TRPM4: variants seen among roughly 807,000 people sequenced by gnomAD.
TRPM4 encodes transient receptor potential cation channel subfamily M member 4.
A neutral mutation model predicts 135.6 loss-of-function variants in TRPM4; 124 were observed. The ratio of observed to expected loss-of-function variants is 0.91; its 90% CI spans 0.79 to 1.06. The LOEUF is 1.06. Ranked by LOEUF, TRPM4 falls within the 50% of genes least tolerant of loss-of-function variation. The pLI, the probability that TRPM4 is intolerant of heterozygous loss-of-function variation, is 0.00. For missense variants in TRPM4, 1,658 were observed against 1,671.4 expected (o/e 0.99, Z 0.14); for synonymous variants, 745 against 705.6 (o/e 1.06, Z -0.88).
At chr19:49,205,373 A>G (rs1051075724) in intron 20 of TRPM4, among the ~76,000 whole-genome samples, 11 of 152,074 alleles carry the variant, frequency 7.2e-5, no homozygotes, top group African/African-American at 2.7e-4. Context: ...CCCTTTTAAT[A>G]AAACGTTACT....
intron 4 of TRPM4, 59 bp from the exon 5 acceptor site, chr19:49,168,201 T>C (rs1380435493): frequency 6.2e-7 from 1 of 1,610,460 alleles, no homozygotes; most frequent in African/African-American, 1.3e-5. Flanking sequence ...TGTGTGTGTC[T>C]CTGTCTTATT....
chr19:49,178,615 G>A (rs1192475477), intron 9 of TRPM4, among the ~76,000 whole-genome samples: 1 of 152,050 alleles, frequency 6.6e-6, no homozygotes, highest in Admixed American at 6.6e-5. Flanking sequence ...TAGGGAAGAT[G>A]GGTTTGAGGG....
chr19:49,196,349 G>T, intron 16 of TRPM4, 91 bp from the exon 17 acceptor site: 1 of 1,247,498 alleles, frequency 8.0e-7, no homozygotes, highest in Non-Finnish European at 1.1e-6. Flanking sequence ...GGCAGGGTGA[G>T]ATGTGCCAAG....
At chr19:49,175,510 A>G (rs1181086583) in intron 9 of TRPM4, among the ~76,000 whole-genome samples, 4 of 150,210 alleles carry the variant, frequency 2.7e-5, no homozygotes, top group Non-Finnish European at 5.9e-5. Context: ...TGCTTAGGCC[A>G]GAAGAATTTT....
At chr19:49,197,322 T>C (rs1363345217) in intron 17 of TRPM4, among the ~76,000 whole-genome samples, 7 of 118,342 alleles carry the variant, frequency 5.9e-5, no homozygotes, top group African/African-American at 3.1e-4. Context: ...CTTTCTTTCT[T>C]TCTTTCTTTC....
intron 17 of TRPM4, among the ~76,000 whole-genome samples, chr19:49,199,202 T>A (rs1328602065): frequency 6.6e-6 from 1 of 152,036 alleles, no homozygotes; most frequent in Non-Finnish European, 1.5e-5. Flanking sequence ...TTGGACATCT[T>A]TTCCTAAGCT....
intron 9 of TRPM4, among the ~76,000 whole-genome samples, chr19:49,172,431 C>T (rs1445431529): frequency 2.6e-5 from 4 of 151,298 alleles, no homozygotes; most frequent in African/African-American, 9.7e-5. Flanking sequence ...TCCATCCATC[C>T]TTTCACCTGT....
chr19:49,171,770 G>T lies in TRPM4; in HGVS notation c.1050+1G>T. 6.2e-7 allele frequency: 1 copy of T among 1,608,394 alleles called. No individual in the cohort carries two copies. Reference sequence around the variant, plus strand: ...GGACCTTGAGGTCCTGCAGGCCCAGGTATGACACTGGGGGCCCAACTCTGG... The same window carrying T: ...GGACCTTGAGGTCCTGCAGGCCCAGTTATGACACTGGGGGCCCAACTCTGG... On this transcript the variant is annotated splice_donor_variant, in intron 8 of 24. Coordinates refer to ENST00000252826, the MANE Select transcript of TRPM4 (RefSeq NM_017636.4). LOFTEE classifies it high-confidence loss of function. This position sits in a 1 kb window ranked among gnomAD's most constrained non-coding sequence, Gnocchi z 4.7.
intron 3 of TRPM4, among the ~76,000 whole-genome samples, chr19:49,166,648 C>G (rs935423150): frequency 6.6e-6 from 1 of 150,676 alleles, no homozygotes; most frequent in East Asian, 2.0e-4. Context: ...GTCCCCGTCT[C>G]TCCGGGTCTC....
chr19:49,211,122 A>AG lies in TRPM4; in HGVS notation c.3535-38dup, dbSNP rs776400132. ...TGGGGCCTGGCTGGGGGACTGTGGC[A>AG]GGGGTCCCATCTCCCGCTCTGACAT... On this transcript the variant is annotated intron_variant, in intron 23 of 24. Coordinates refer to ENST00000252826, the MANE Select transcript of TRPM4 (RefSeq NM_017636.4). This position sits in a 1 kb window ranked among gnomAD's most constrained non-coding sequence, Gnocchi z 4.8. 1 of 1,612,058 alleles carries AG rather than the reference A, an allele frequency of 6.2e-7. No homozygotes were observed. Among genetic ancestry groups the AG allele is most frequent in the East Asian group, 2.2e-5 (1 of 44,842 alleles).
chr19:49,199,781 G>A (rs1287686604), intron 17 of TRPM4, among the ~76,000 whole-genome samples: 1 of 152,036 alleles, frequency 6.6e-6, no homozygotes, highest in African/African-American at 2.4e-5. Flanking sequence ...TTACAGGCGT[G>A]AGCCACCGCG....
chr19:49,189,638 GTC>G (rs1968337247), intron 14 of TRPM4, among the ~76,000 whole-genome samples: 1 of 151,568 alleles, frequency 6.6e-6, no homozygotes, highest in Non-Finnish European at 1.5e-5. Flanking sequence ...TGCTCCCACA[GTC>G]TCTCCGATCC....
intron 2 of TRPM4, among the ~76,000 whole-genome samples, chr19:49,164,364 G>GTTTTTTTTTTTTTT (rs869232937): frequency 1.8e-4 from 3 of 16,266 alleles, no homozygotes; most frequent in Non-Finnish European, 2.1e-4. Flanking sequence ...TCTTTCCTTA[G>GTTTTTTTTTTTTTT]TTTTTTTTTT....
At position 49,211,630 on chromosome 19, in the gene TRPM4, G is replaced by A; in HGVS notation, c.*132G>A. ...GAGCCCCATGTCCATCTGGGCCACT[G>A]TCAGGACCACCTTTGGGAGTGTCAT... On this transcript the variant is annotated 3_prime_UTR_variant, in exon 25 of 25. Transcript: ENST00000252826. This position sits in a 1 kb window ranked among gnomAD's most constrained non-coding sequence, Gnocchi z 4.8. 1 of 1,158,426 alleles carries A rather than the reference G, an allele frequency of 8.6e-7. No homozygotes were observed. Among genetic ancestry groups the A allele is most frequent in the South Asian group, 1.2e-5 (1 of 81,750 alleles). The allele number at this position is 1,158,426 out of a possible 1,614,324, so 71.8% of individuals were successfully genotyped here.
Position 49,165,686 on chromosome 19 carries a change from G to A in TRPM4, c.93-355G>A, listed in dbSNP as rs77752436. Among the ~76,000 whole-genome samples, 829 of 152,266 alleles carry A rather than the reference G, an allele frequency of 5.4e-3. 12 individuals carry two copies. The highest frequency in any genetic ancestry group is 0.019 in the African/African-American group (795 of 41,552). On this transcript the variant is annotated intron_variant, in intron 2 of 24. Transcript: ENST00000252826. The stretch of plus-strand genomic sequence containing the variant: ...GCTCTCCCTGAGTTACCCGCTGGAT[G>A]TTCTTTCTCGTGTTGAACGTCATGT...
intron 16 of TRPM4, among the ~76,000 whole-genome samples, chr19:49,192,040 C>T (rs887153073): frequency 1.3e-5 from 2 of 152,212 alleles, no homozygotes; most frequent in African/African-American, 4.8e-5. Flanking sequence ...CTATTTTGTT[C>T]GTGGTCCCAA....
intron 6 of TRPM4, among the ~76,000 whole-genome samples, chr19:49,170,451 A>C (rs1318870667): frequency 6.6e-6 from 1 of 152,132 alleles, no homozygotes; most frequent in Non-Finnish European, 1.5e-5. Flanking sequence ...GGCCTCCCAA[A>C]GTGCTGGGAT....
intron 3 of TRPM4, 77 bp downstream of exon 3, chr19:49,166,292 C>T (rs1967175836): frequency 2.7e-6 from 4 of 1,458,896 alleles, no homozygotes; most frequent in African/African-American, 2.8e-5. Flanking sequence ...AGCCGGGACG[C>T]CCGCCCTGAA....
chr19:49,200,788 A>AG lies in TRPM4; in HGVS notation c.2953+9dup. ...GATTCCCCAGGAGGACATGGACGGT[A>AG]GGGGGGATGACGGCCTGACAGCCTT... On this transcript the variant is annotated splice_donor_region_variant and intron_variant, in intron 19 of 24. Transcript: ENST00000252826. 1.2e-6 allele frequency: 2 copies of AG among 1,613,708 alleles called. 1 individual carries two copies. Among genetic ancestry groups the AG allele is most frequent in the Non-Finnish European group, 1.7e-6 (2 of 1,179,956 alleles).
Sources: allele counts gnomAD v4.1 joint callset (sites outside exome capture counted in the v4.1 genomes callset), GRCh38; gene constraint gnomAD v4.1.1; non-coding constraint Gnocchi (gnomAD v3.1); transcripts MANE v1.5; gene names NCBI Gene and HGNC (gene_info 2026-07-23, HGNC 2026-07-21).